Variants in SLC26A5 observed in about 807,000 individuals in gnomAD.
SLC26A5 encodes prestin.
In SLC26A5, 51 loss-of-function variants were observed where a neutral mutation model predicts 81.0. That is an observed-to-expected ratio of 0.63 (90% CI 0.50 to 0.80). The LOEUF (loss-of-function observed/expected upper bound fraction) is 0.80. Among genes scored for constraint, SLC26A5 ranks in the 30% least tolerant of loss-of-function variants. SLC26A5 has a pLI of 0.00. For missense variants in SLC26A5, 771 were observed against 905.8 expected, an observed-to-expected ratio of 0.85 and a Z score of 1.91; for synonymous variants, 325 against 332.8, an observed-to-expected ratio of 0.98 and a Z score of 0.25.
chr7:103,437,925 C>T (rs1826578769), intron 2 of SLC26A5, among the ~76,000 whole-genome samples: 1 of 152,166 alleles, frequency 6.6e-6, no homozygotes, highest in African/African-American at 2.4e-5. Context: ...GCATTGGTTT[C>T]CAACATTTAA....
chr7:103,386,396 T>G lies in SLC26A5; in HGVS notation c.1514+2612A>C, dbSNP rs545931491. Among the ~76,000 whole-genome samples, 19 of 152,080 alleles carry G rather than the reference T, an allele frequency of 1.2e-4. No individual in the cohort carries two copies. In the South Asian group the frequency reaches 3.7e-3, roughly 30 times the overall value. ...TCCTGGCTGACACGATGAAACTCTG[T>G]CTTTACTAAAAATAAAAAAAATTGG... On this transcript the variant is annotated intron_variant, in intron 14 of 19. Transcript: ENST00000306312.
intron 2 of SLC26A5, chr7:103,435,240 G>C (rs1015175012): frequency 6.6e-6 from 1 of 152,140 alleles, no homozygotes; most frequent in Non-Finnish European, 1.5e-5. Flanking sequence ...CATGCTAAGA[G>C]TGCTCAGATT....
chr7:103,413,680 A>G (rs1824682776), intron 4 of SLC26A5, among the ~76,000 whole-genome samples: 2 of 152,126 alleles, frequency 1.3e-5, no homozygotes, highest in Non-Finnish European at 2.9e-5. Flanking sequence ...CAGTTACTCA[A>G]TGGGAAAGCT....
At chr7:103,441,327 C>A (rs1586416109) in intron 2 of SLC26A5, among the ~76,000 whole-genome samples, 2 of 152,104 alleles carry the variant, frequency 1.3e-5, no homozygotes, top group African/African-American at 4.8e-5. Context: ...GTAGGGTAAA[C>A]AAATACCTTT....
chr7:103,389,781 C>A (rs62482416), intron 12 of SLC26A5, among the ~76,000 whole-genome samples: 11,723 of 152,094 alleles, frequency 0.077, 588 homozygotes, highest in South Asian at 0.16. Flanking sequence ...GTGGGTGCTA[C>A]CACACTCAGT....
At chr7:103,406,071 G>T (rs1039836539) in intron 8 of SLC26A5, among the ~76,000 whole-genome samples, 1 of 152,190 alleles carries the variant, frequency 6.6e-6, no homozygotes, top group African/African-American at 2.4e-5. Context: ...GACTGCTGTG[G>T]TGGCAGTGAG....
At chr7:103,444,503 C>G (rs1586426098) in intron 1 of SLC26A5, among the ~76,000 whole-genome samples, 1 of 152,224 alleles carries the variant, frequency 6.6e-6, no homozygotes, top group Non-Finnish European at 1.5e-5. Context: ...GCATCTACAC[C>G]TCACAAGGCA....
chr7:103,362,263 TCG>T, intron 19 of SLC26A5: 2 of 1,417,202 alleles, frequency 1.4e-6, no homozygotes, highest in Non-Finnish European at 1.8e-6. Context: ...TAACTTCCCA[TCG>T]GCTTCGCTGA....
At chr7:103,366,157 A>G (rs183644599) in intron 19 of SLC26A5, 10 of 1,611,424 alleles carry the variant, frequency 6.2e-6, no homozygotes, top group South Asian at 3.3e-5. Context: ...AATTGATGCT[A>G]TTGGAGGTGA....
At chr7:103,408,128 G>C in intron 7 of SLC26A5, 125 bp from the exon 8 acceptor site, 1 of 1,279,406 alleles carries the variant, frequency 7.8e-7, no homozygotes, top group Non-Finnish European at 1.1e-6. Flanking sequence ...AAAGTTCCAA[G>C]GCTGAAATCT....
intron 2 of SLC26A5, among the ~76,000 whole-genome samples, chr7:103,430,415 G>A (rs1825990924): frequency 6.6e-6 from 1 of 152,116 alleles, no homozygotes; most frequent in South Asian, 2.1e-4. Context: ...TTTTTTGCAA[G>A]ATATACAAGC....
rs201462161 is a variant in SLC26A5, at chr7:103,432,763, T to C, written c.-54+10320A>G. Among the ~76,000 whole-genome samples the C allele has an allele frequency of 1.2e-4, 19 of 152,170 alleles. No individual in the cohort carries two copies. The East Asian group carries it at 3.7e-3, about 29-fold the overall frequency. ...TTTTAAAATTCTGAGTCATATTTAA[T>C]TGTGGAAGGGGAGGAGTGGTTCTGT... On this transcript the variant is annotated intron_variant, in intron 2 of 19. Transcript: ENST00000306312.
intron 14 of SLC26A5, 149 bp from the exon 15 acceptor site, chr7:103,380,698 A>C (rs1821706339): frequency 1.4e-6 from 1 of 711,878 alleles, no homozygotes; most frequent in Admixed American, 2.0e-5. Flanking sequence ...AGGGCTCCAC[A>C]CATATCACGT....
chr7:103,438,880 G>C (rs561486784), intron 2 of SLC26A5, among the ~76,000 whole-genome samples: 3 of 152,046 alleles, frequency 2.0e-5, no homozygotes, highest in Non-Finnish European at 4.4e-5. Flanking sequence ...GAATTTGGAA[G>C]GAAAACTTGA....
intron 19 of SLC26A5, among the ~76,000 whole-genome samples, chr7:103,363,014 G>A (rs530597545): frequency 1.3e-5 from 2 of 152,024 alleles, no homozygotes; most frequent in South Asian, 4.2e-4. Flanking sequence ...GACTGGTTTC[G>A]AACTCATGAC....
intron 7 of SLC26A5, among the ~76,000 whole-genome samples, chr7:103,408,836 T>C (rs1173607275): frequency 6.6e-6 from 1 of 152,158 alleles, no homozygotes; most frequent in Non-Finnish European, 1.5e-5. Context: ...ATATAGTCAG[T>C]TCTCATTTGA....
chr7:103,439,298 G>A (rs1826694211), intron 2 of SLC26A5, among the ~76,000 whole-genome samples: 1 of 152,076 alleles, frequency 6.6e-6, no homozygotes, highest in South Asian at 2.1e-4. Flanking sequence ...CTATCCAGGA[G>A]GTATAACAAG....
chr7:103,370,086 T>G (rs1820943883), downstream of SLC26A5, among the ~76,000 whole-genome samples: 1 of 152,194 alleles, frequency 6.6e-6, no homozygotes, highest in Admixed American at 6.5e-5. Flanking sequence ...GCATGCATTT[T>G]GGTTAGCTGT....
At chr7:103,385,904 G>C (rs974630268) in intron 14 of SLC26A5, among the ~76,000 whole-genome samples, 2 of 149,556 alleles carry the variant, frequency 1.3e-5, no homozygotes, top group African/African-American at 5.0e-5. Context: ...GTTTTACCAG[G>C]TTGCCCAAAC....
Sources: allele counts gnomAD v4.1 joint callset (sites outside exome capture counted in the v4.1 genomes callset), GRCh38; gene constraint gnomAD v4.1.1; transcripts MANE v1.5; gene names NCBI Gene and HGNC (gene_info 2026-07-23, HGNC 2026-07-21).